ARHGAP22: variants seen among roughly 807,000 people sequenced by gnomAD.
ARHGAP22 encodes Rho GTPase activating protein 22.
A neutral mutation model predicts 59.1 loss-of-function variants in ARHGAP22; 48 were observed. The observed-to-expected ratio is 0.81, with a 90% CI of 0.64 to 1.03. ARHGAP22 has a LOEUF of 1.03. Ranked by LOEUF, ARHGAP22 falls within the 50% of genes least tolerant of loss-of-function variation. The pLI is 0.00. For missense variants in ARHGAP22, 1,015 were observed against 958.7 expected (o/e 1.06, Z -0.78); for synonymous variants, 445 against 416.4 (o/e 1.07, Z -0.84).
At chr10:48,544,149 G>A (rs889041000) in intron 3 of ARHGAP22, among the ~76,000 whole-genome samples, 1 of 152,102 alleles carries the variant, frequency 6.6e-6, no homozygotes, top group South Asian at 2.1e-4. Context: ...GGACTGGGTG[G>A]GGTCAGGGGA....
chr10:48,492,544 C>A, intron 3 of ARHGAP22, among the ~76,000 whole-genome samples: 1 of 152,248 alleles, frequency 6.6e-6, no homozygotes, highest in East Asian at 1.9e-4. Flanking sequence ...AAAGTATATA[C>A]AAAATAAATT....
chr10:48,588,140 T>C (rs1006113980), intron 1 of ARHGAP22, among the ~76,000 whole-genome samples: 5 of 152,146 alleles, frequency 3.3e-5, no homozygotes, highest in African/African-American at 1.2e-4. Flanking sequence ...TCAGGCCTCC[T>C]GAGAGCTTCA....
In ARHGAP22 at chr10:48,485,393, C is replaced by T. The variant is rs940865571; in HGVS notation, c.323-5629G>A. Among the ~76,000 whole-genome samples the T allele has an allele frequency of 4.6e-5, 7 of 152,104 alleles. 1 individual carries two copies. Among genetic ancestry groups the T allele is most frequent in the Admixed American group, 2.6e-4 (4 of 15,270 alleles). The stretch of plus-strand genomic sequence containing the variant: ...GGTTATTTAGAAGTGCGTTAGTTTC[C>T]GAATTTGGGGGGATTGTACCAGAAT... On this transcript the variant is annotated intron_variant, in intron 3 of 9. Transcript: ENST00000249601.
At chr10:48,547,662 C>G (rs1431228745) in intron 3 of ARHGAP22, among the ~76,000 whole-genome samples, 1 of 152,156 alleles carries the variant, frequency 6.6e-6, no homozygotes, top group African/African-American at 2.4e-5. Flanking sequence ...CCTCCTCCTC[C>G]TTTTCCTCAG....
At chr10:48,494,964 C>T (rs1564764241) in intron 3 of ARHGAP22, among the ~76,000 whole-genome samples, 1 of 152,342 alleles carries the variant, frequency 6.6e-6, no homozygotes. Flanking sequence ...ATGTACATTA[C>T]AGAATCCTTC....
At chr10:48,541,830 T>C (rs2055971416) in intron 3 of ARHGAP22, among the ~76,000 whole-genome samples, 1 of 152,342 alleles carries the variant, frequency 6.6e-6, no homozygotes, top group East Asian at 1.9e-4. Context: ...CTGGCCTCGA[T>C]CTGCAAGGAT....
rs1008640611 is a variant in ARHGAP22 at position 48,634,996 on chromosome 10, A to G, written c.52+17238T>C. Among the ~76,000 whole-genome samples the G allele has an allele frequency of 3.3e-5, 5 of 152,164 alleles. No individual in the cohort carries two copies. The South Asian group carries it at 1.0e-3, about 32-fold the overall frequency. On this transcript the variant is annotated intron_variant, in intron 1 of 9. Transcript: ENST00000435790. Reference sequence around the variant, plus strand: ...GCTAACACATTGATCTTAGACTTCCAGCCTCCAGAATGGGAAAAAATACAT... The same window carrying G: ...GCTAACACATTGATCTTAGACTTCCGGCCTCCAGAATGGGAAAAAATACAT...
chr10:48,457,443 C>T (rs2046653105), intron 5 of ARHGAP22, among the ~76,000 whole-genome samples: 1 of 152,152 alleles, frequency 6.6e-6, no homozygotes, highest in Admixed American at 6.5e-5. Flanking sequence ...TCTGTCAAGA[C>T]CCACCCCCCT....
intron 1 of ARHGAP22, among the ~76,000 whole-genome samples, chr10:48,617,043 T>A (rs892550928): frequency 1.3e-5 from 2 of 152,040 alleles, no homozygotes; most frequent in African/African-American, 4.8e-5. Flanking sequence ...CAGATGTAAC[T>A]GGTAGTAATA....
chr10:48,590,510 G>A (rs2059687906), intron 1 of ARHGAP22, among the ~76,000 whole-genome samples: 1 of 152,162 alleles, frequency 6.6e-6, no homozygotes. Context: ...TACCTGCTGG[G>A]ATTGGAGAGT....
chr10:48,490,757 C>T (rs150289315), intron 3 of ARHGAP22, among the ~76,000 whole-genome samples: 61 of 152,288 alleles, frequency 4.0e-4, no homozygotes, highest in African/African-American at 1.4e-3. Context: ...ATGCTGTCCT[C>T]GTGCTGAGAC....
At chr10:48,631,001 T>C (rs918129086) in intron 1 of ARHGAP22, among the ~76,000 whole-genome samples, 17 of 152,364 alleles carry the variant, frequency 1.1e-4, no homozygotes, top group Non-Finnish European at 2.1e-4. Context: ...TGTTGGATTT[T>C]GTCAAATGTT....
At position 48,479,782 on chromosome 10, in the gene ARHGAP22, A is replaced by C; in HGVS notation, c.323-18T>G. On this transcript the variant is annotated intron_variant, in intron 3 of 9. Coordinates refer to ENST00000249601, the MANE Select transcript of ARHGAP22 (RefSeq NM_021226.4). The stretch of plus-strand genomic sequence containing the variant: ...GGCACCACCTGCAAGACAGGGAGAC[A>C]CAGGCTTACGCAGGGTCCCTGCCCG... 9 of 1,563,772 alleles carry C rather than the reference A, an allele frequency of 5.8e-6. No homozygotes were observed. Among genetic ancestry groups the C allele is most frequent in the Non-Finnish European group, 6.9e-6 (8 of 1,153,326 alleles).
rs769811709 is a variant in ARHGAP22, at chr10:48,450,348, C to A, written c.1781G>T (p.Arg594Leu). 1 of 1,592,456 alleles carries A rather than the reference C, an allele frequency of 6.3e-7. No homozygotes were observed. The highest frequency in any genetic ancestry group is 1.7e-4 in the Middle Eastern group (1 of 5,966). Reference protein sequence around the residue: ...EPDSPTREHARRSEALQGLVT... With the variant: ...EPDSPTREHALRSEALQGLVT... ...CAGCCCCTGTAAGGCCTCGGAGCGGCGCGCGTGTTCCCGGGTGGGGCTGTC... is the reference window on the plus strand; with the variant it reads ...CAGCCCCTGTAAGGCCTCGGAGCGGAGCGCGTGTTCCCGGGTGGGGCTGTC... The change falls in exon 9 of 10, where the codon CGC (arginine) becomes CTC (leucine). Residue 594 changes from arginine to leucine, a missense_variant. Transcript: ENST00000249601.
chr10:48,617,468 C>T (rs185749581), intron 1 of ARHGAP22, among the ~76,000 whole-genome samples: 2 of 152,068 alleles, frequency 1.3e-5, no homozygotes, highest in African/African-American at 4.8e-5. Context: ...AAACAAGTCT[C>T]AACAATGTGA....
chr10:48,607,628 A>C (rs1228471875), upstream of ARHGAP22, among the ~76,000 whole-genome samples: 1 of 152,114 alleles, frequency 6.6e-6, no homozygotes, highest in Non-Finnish European at 1.5e-5. Context: ...ATAAGCTTTT[A>C]TTTGAAGAAC....
chr10:48,532,705 C>G (rs960964163), intron 3 of ARHGAP22: 3 of 130,406 alleles, frequency 2.3e-5, no homozygotes, highest in African/African-American at 8.6e-5. Flanking sequence ...TCTCTTTGTT[C>G]AATTCCCACC....
At chr10:48,531,838 G>A (rs961752588) in intron 3 of ARHGAP22, among the ~76,000 whole-genome samples, 1 of 152,190 alleles carries the variant, frequency 6.6e-6, no homozygotes, top group South Asian at 2.1e-4. Flanking sequence ...ACTCGATGGT[G>A]AATAAGATGG....
rs1165316806 is a variant in ARHGAP22 at position 48,446,148 on chromosome 10, C to T, written c.*243G>A. 10 of 557,622 alleles carry T rather than the reference C, an allele frequency of 1.8e-5. No homozygotes were observed. The highest frequency in any genetic ancestry group is 1.8e-4 in the East Asian group (6 of 34,022). The allele number at this position is 557,622 out of a possible 1,614,324, so 34.5% of individuals were successfully genotyped here. A position where few individuals can be genotyped will look rare whatever the true frequency, so the allele number is the denominator to read the frequency against. On this transcript the variant is annotated 3_prime_UTR_variant, in exon 10 of 10. Transcript: ENST00000249601. ...GGATATTTCCTGGGTAAGGGCTAAG[C>T]GCTACTCTTGGTACCGTCCCCTTCT...
Sources: gnomAD v4.1 joint callset for allele counts (sites outside exome capture counted in the v4.1 genomes callset) on GRCh38, gnomAD v4.1.1 for gene constraint, MANE v1.5 for transcripts, NCBI Gene and HGNC (gene_info 2026-07-23, HGNC 2026-07-21) for gene names.